CYP24A1: variants seen among roughly 807,000 people sequenced by gnomAD.
The protein encoded by CYP24A1 is cytochrome P450 family 24 subfamily A member 1.
CYP24A1 carries 68 observed loss-of-function variants against 62.4 expected under a neutral mutation model. The ratio of observed to expected loss-of-function variants is 1.09; its 90% CI spans 0.90 to 1.33. CYP24A1 has a LOEUF of 1.33. CYP24A1 is among the 40% of genes most tolerant of loss of function. The probability of loss-of-function intolerance (pLI) is 0.00; values close to 1 mark genes in which losing one functional copy is unlikely to be tolerated. For synonymous variants in CYP24A1, 267 were observed against 253.0 expected, an observed-to-expected ratio of 1.06 and a Z score of -0.52; for missense variants, 787 against 653.0, an observed-to-expected ratio of 1.21 and a Z score of -2.24.
chr20:54,147,718 A>T, the CYP24A1 span, among the ~76,000 whole-genome samples: 1 of 152,228 alleles, frequency 6.6e-6, no homozygotes, highest in Non-Finnish European at 1.5e-5. Context: ...TGTTTTGATC[A>T]TTATTTCTGT....
chr20:54,172,885 C>T (rs1004642642), intron 2 of CYP24A1, 24 bp downstream of exon 2: 1 of 1,613,332 alleles, frequency 6.2e-7, no homozygotes, highest in Non-Finnish European at 8.5e-7. Flanking sequence ...GGCCGCATGC[C>T]CAGGTCCCTC....
At chr20:54,149,725 T>A (rs771380865), downstream of CYP24A1, among the ~76,000 whole-genome samples, 1 of 152,136 alleles carries the variant, frequency 6.6e-6, no homozygotes, top group Non-Finnish European at 1.5e-5. Flanking sequence ...CAACCATCCA[T>A]GCTTGGAGTG....
rs1037960396 is a variant in CYP24A1 at position 54,173,214 on chromosome 20, C to T, written c.258+108G>A. The stretch of plus-strand genomic sequence containing the variant: ...GGACCGGGGACCCTCCCTGCCCAGA[C>T]GCCGAAGCGCACCATGCGCCCGAGG... On this transcript the variant is annotated intron_variant, in intron 1 of 11. Coordinates refer to ENST00000216862, the MANE Select transcript of CYP24A1 (RefSeq NM_000782.5). This position sits in a 1 kb window ranked among gnomAD's most constrained non-coding sequence, Gnocchi z 7.2. The T allele has an allele frequency of 2.4e-5, 36 of 1,515,760 alleles. No individual in the cohort carries two copies. The highest frequency in any genetic ancestry group is 1.2e-4 in the Admixed American group (7 of 56,580). 93.9% of individuals were successfully genotyped at this position (1,515,760 alleles called of 1,614,324 possible). A position where few individuals can be genotyped will look rare whatever the true frequency, so the allele number is the denominator to read the frequency against.
Position 54,173,476 on chromosome 20 carries a change from G to A in CYP24A1, c.104C>T (p.Ser35Phe). 1 of 1,566,220 alleles carries A rather than the reference G, an allele frequency of 6.4e-7. No individual in the cohort carries two copies. Among genetic ancestry groups the A allele is most frequent in the Non-Finnish European group, 8.7e-7 (1 of 1,155,560 alleles). The change falls in exon 1 of 12, where the codon TCC becomes TTC. Residue 35 changes from serine (S) to phenylalanine (F), a missense_variant. Coordinates refer to ENST00000216862, the MANE Select transcript of CYP24A1 (RefSeq NM_000782.5). This position sits in a 1 kb window ranked among gnomAD's most constrained non-coding sequence, Gnocchi z 7.2. ...PRLVTSTAYT[S>F]PQPREVPVCP... Reference sequence around the variant, plus strand: ...GACTGGCACCTCTCGCGGCTGAGGGGACGTGTACGCCGTAGATGTCACCAG... The same window carrying A: ...GACTGGCACCTCTCGCGGCTGAGGGAACGTGTACGCCGTAGATGTCACCAG...
intron 4 of CYP24A1, among the ~76,000 whole-genome samples, chr20:54,169,258 T>C (rs939677568): frequency 1.4e-4 from 22 of 152,292 alleles, no homozygotes; most frequent in Admixed American, 1.0e-3. Flanking sequence ...GAAGAGTATA[T>C]TTTAAAATGT....
In CYP24A1 at chr20:54,164,446, C is replaced by T; in HGVS notation, c.844+6G>A. ...TTCTGGCTGGTTGTGAAGGGCGGCC[C>T]TTTACCTGATTTGAAAATGGTGTCC... On this transcript the variant is annotated splice_donor_region_variant and intron_variant, in intron 6 of 11. Transcript: ENST00000216862. 1 of 1,614,112 alleles carries T rather than the reference C, an allele frequency of 6.2e-7. No homozygotes were observed. Among genetic ancestry groups the T allele is most frequent in the East Asian group, 2.2e-5 (1 of 44,874 alleles).
chr20:54,149,287 T>C (rs942064341), downstream of CYP24A1, among the ~76,000 whole-genome samples: 3 of 152,282 alleles, frequency 2.0e-5, no homozygotes, highest in Non-Finnish European at 4.4e-5. Flanking sequence ...GGTAGATGCT[T>C]AGTGACTCAG....
At chr20:54,143,827 A>G in the CYP24A1 span, among the ~76,000 whole-genome samples, 1 of 148,218 alleles carries the variant, frequency 6.7e-6, no homozygotes, top group Admixed American at 6.6e-5. Flanking sequence ...TGAGATACAG[A>G]CAGCAAAAAA....
downstream of CYP24A1, among the ~76,000 whole-genome samples, chr20:54,151,457 T>C (rs2092612254): frequency 6.6e-6 from 1 of 151,646 alleles, no homozygotes; most frequent in Non-Finnish European, 1.5e-5. Context: ...AAACTACAAA[T>C]CCACAGATTA....
Position 54,172,896 on chromosome 20 carries a change from G to C in CYP24A1, c.449+13C>G. ...GTCTGGCCGCATGCCCAGGTCCCTC[G>C]GATTGGACTCACAGGATCAGCAGCC... On this transcript the variant is annotated intron_variant, in intron 2 of 11. Coordinates refer to ENST00000216862, the MANE Select transcript of CYP24A1 (RefSeq NM_000782.5). 1 of 1,613,490 alleles carries C rather than the reference G, an allele frequency of 6.2e-7. No homozygotes were observed. Among genetic ancestry groups the C allele is most frequent in the South Asian group, 1.1e-5 (1 of 91,074 alleles).
chr20:54,152,307 A>G (rs563573440), downstream of CYP24A1, among the ~76,000 whole-genome samples: 7 of 152,324 alleles, frequency 4.6e-5, no homozygotes, highest in South Asian at 4.1e-4. Context: ...CTCCCTGGGC[A>G]CAAGGAGAAC....
Position 54,173,837 on chromosome 20 carries a change from G to C in CYP24A1, c.-258C>G, listed in dbSNP as rs2092704255. 2 of 563,352 alleles carry C rather than the reference G, an allele frequency of 3.6e-6. No individual in the cohort carries two copies. Among genetic ancestry groups the C allele is most frequent in the South Asian group, 4.5e-5 (2 of 44,410 alleles). The allele number at this position is 563,352 out of a possible 1,614,324, so 34.9% of individuals were successfully genotyped here. ...CGCAGGGGCTGGAAGAGGGTGGCCG[G>C]TGTCTGGGGACCTCTTGAAAAGGGA... On this transcript the variant is annotated 5_prime_UTR_variant, in exon 1 of 12. Transcript: ENST00000216862. This position sits in a 1 kb window ranked among gnomAD's most constrained non-coding sequence, Gnocchi z 7.2.
intron 6 of CYP24A1, 94 bp from the exon 7 acceptor site, chr20:54,162,956 T>C (rs1296735664): frequency 5.1e-6 from 4 of 778,288 alleles, no homozygotes; most frequent in Non-Finnish European, 9.4e-6. Flanking sequence ...CTTCTTGCAA[T>C]ATCTAAATAG....
At position 54,154,090 on chromosome 20, in the gene CYP24A1, T is replaced by C. The variant is rs1026529221; in HGVS notation, c.*682A>G. The stretch of plus-strand genomic sequence containing the variant: ...ACACACAGACACACACACACATGCA[T>C]GTCTGTGCTTCATATGCACATACAC... On this transcript the variant is annotated 3_prime_UTR_variant, in exon 12 of 12. Coordinates refer to ENST00000216862, the MANE Select transcript of CYP24A1 (RefSeq NM_000782.5). 3 of 152,128 alleles carry C rather than the reference T, an allele frequency of 2.0e-5. No homozygotes were observed. Among genetic ancestry groups the C allele is most frequent in the Non-Finnish European group, 2.9e-5 (2 of 68,014 alleles). The allele number at this position is 152,128 out of a possible 1,614,324, so 9.4% of individuals were successfully genotyped here.
chr20:54,159,033 G>C lies in CYP24A1; in HGVS notation c.1081C>G (p.Pro361Ala), dbSNP rs376508342. 2.5e-6 allele frequency: 4 copies of C among 1,614,164 alleles called. No individual in the cohort carries two copies. Among genetic ancestry groups the C allele is most frequent in the Non-Finnish European group, 3.4e-6 (4 of 1,180,028 alleles). Residue 361 changes from proline (P) to alanine (A), a missense_variant, in exon 8 of 12, where the codon CCT becomes GCT. Coordinates refer to ENST00000216862, the MANE Select transcript of CYP24A1 (RefSeq NM_000782.5). ...KLLKEIQSVL[P>A]ENQVPRAEDL... ...TCTGCCCGTGGCACCTGATTCTCAG[G>C]TAATACACTTTGAATTTCCTTAAGA...
Position 54,173,564 on chromosome 20 carries a change from T to A in CYP24A1, c.16A>T (p.Ser6Cys), listed in dbSNP as rs755407412. The change falls in exon 1 of 12, where the codon AGC becomes TGC. Residue 6 changes from serine (S) to cysteine (C), a missense_variant. Physicochemically the swap from Ser to Cys is moderately radical, Grantham distance 112. Coordinates refer to ENST00000216862, the MANE Select transcript of CYP24A1 (RefSeq NM_000782.5). This position sits in a 1 kb window ranked among gnomAD's most constrained non-coding sequence, Gnocchi z 7.2. ...AAGGCGGCAAGCGAGCGGCTCTTGCTGATGGGGGAGCTCATGGCAGCGGGG... is the reference window on the plus strand; with the variant it reads ...AAGGCGGCAAGCGAGCGGCTCTTGCAGATGGGGGAGCTCATGGCAGCGGGG... MSSPI[S>C]KSRSLAAFLQ... The A allele has an allele frequency of 3.2e-6, 5 of 1,580,686 alleles. No homozygotes were observed. In the South Asian group the frequency reaches 3.4e-5, roughly 11 times the overall value.
intron 11 of CYP24A1, 32 bp downstream of exon 11, chr20:54,157,137 T>C (rs1181367758): frequency 9.7e-6 from 10 of 1,033,994 alleles, no homozygotes; most frequent in Non-Finnish European, 1.5e-5. Flanking sequence ...CTCACTACCT[T>C]GCAGAGGATA....
chr20:54,151,570 C>T (rs547175496), downstream of CYP24A1, among the ~76,000 whole-genome samples: 10 of 151,916 alleles, frequency 6.6e-5, no homozygotes, highest in East Asian at 7.8e-4. Context: ...TTTTTTGAGA[C>T]AGAGTCCTGC....
intron 7 of CYP24A1, among the ~76,000 whole-genome samples, chr20:54,162,274 G>A (rs576800319): frequency 1.7e-5 from 2 of 115,254 alleles, no homozygotes; most frequent in African/African-American, 6.7e-5. Context: ...AACAGCCACA[G>A]TTAGGCACTT....
Sources: allele counts gnomAD v4.1 joint callset (sites outside exome capture counted in the v4.1 genomes callset), GRCh38; gene constraint gnomAD v4.1.1; non-coding constraint Gnocchi (gnomAD v3.1); transcripts MANE v1.5; gene names NCBI Gene and HGNC (gene_info 2026-07-23, HGNC 2026-07-21).